DECR1: variants seen among roughly 807,000 people sequenced by gnomAD.
DECR1 encodes the protein 2,4-dienoyl-CoA reductase 1.
A neutral mutation model predicts 38.8 loss-of-function variants in DECR1; 44 were observed. The ratio of observed to expected loss-of-function variants is 1.13; its 90% CI spans 0.89 to 1.46. DECR1 has a LOEUF of 1.46. DECR1 is among the 40% of genes most tolerant of loss of function. DECR1 has a pLI of 0.00. For missense variants in DECR1, 428 were observed against 405.5 expected (o/e 1.06, Z -0.48); for synonymous variants, 148 against 135.2 (o/e 1.09, Z -0.66).
chr8:90,038,852 A>C (rs776466972), intron 6 of DECR1, among the ~76,000 whole-genome samples: 1 of 152,216 alleles, frequency 6.6e-6, no homozygotes, highest in Non-Finnish European at 1.5e-5. Flanking sequence ...GCTGAATCTT[A>C]GTCTGAAAAG....
Position 90,020,957 on chromosome 8 carries a change from CTT to C in DECR1, c.468_469del (p.Pro158Ter). 1 of 1,592,068 alleles carries C rather than the reference CTT, an allele frequency of 6.3e-7. No individual in the cohort carries two copies. The highest frequency in any genetic ancestry group is 8.5e-7 in the Non-Finnish European group (1 of 1,171,456). On this transcript the variant is annotated frameshift_variant, in exon 5 of 10. Coordinates refer to ENST00000220764, the MANE Select transcript of DECR1 (RefSeq NM_001359.2). LOFTEE classifies it high-confidence loss of function. ...AGNFISPTER[L>X]SPNAWKTITD... The stretch of plus-strand genomic sequence containing the variant: ...GAATTTTATTTCTCCTACTGAAAGA[CTT>C]TCTCCTAATGCTTGGAAAACCATAA...
At chr8:90,050,180 A>G (rs1445267722) in intron 8 of DECR1, among the ~76,000 whole-genome samples, 1 of 152,202 alleles carries the variant, frequency 6.6e-6, no homozygotes, top group Admixed American at 6.5e-5. Context: ...GACAAATGAG[A>G]TCTAATTAAA....
At chr8:90,019,225 C>A in intron 4 of DECR1, 53 bp downstream of exon 4, 1 of 1,357,314 alleles carries the variant, frequency 7.4e-7, no homozygotes, top group African/African-American at 1.4e-5. Context: ...GTTGATAACA[C>A]CCACCAACAT....
chr8:90,037,517 G>A (rs1813644534), intron 6 of DECR1, among the ~76,000 whole-genome samples: 1 of 150,806 alleles, frequency 6.6e-6, no homozygotes, highest in African/African-American at 2.4e-5. Flanking sequence ...TGCAATCACA[G>A]CTTATTGCAG....
At chr8:90,027,674 T>C (rs1280148410) in intron 5 of DECR1, among the ~76,000 whole-genome samples, 2 of 152,118 alleles carry the variant, frequency 1.3e-5, no homozygotes, top group African/African-American at 2.4e-5. Flanking sequence ...CTTTATCCAA[T>C]TTGCCAGTCT....
At chr8:90,034,609 A>G (rs950907511) in intron 5 of DECR1, among the ~76,000 whole-genome samples, 2 of 151,630 alleles carry the variant, frequency 1.3e-5, no homozygotes, top group Admixed American at 1.3e-4. Context: ...GCCCTACCAC[A>G]CCTGGCTAAT....
intron 8 of DECR1, among the ~76,000 whole-genome samples, chr8:90,049,727 C>T (rs1459917883): frequency 6.6e-6 from 1 of 152,150 alleles, no homozygotes; most frequent in Non-Finnish European, 1.5e-5. Flanking sequence ...CAAGACAATC[C>T]TAAGCCAAAA....
chr8:90,027,827 C>T (rs925162049), intron 5 of DECR1, among the ~76,000 whole-genome samples: 2 of 151,752 alleles, frequency 1.3e-5, no homozygotes, highest in African/African-American at 4.8e-5. Flanking sequence ...CTTCTTTCTA[C>T]ATTTATTGAG....
intron 5 of DECR1, among the ~76,000 whole-genome samples, chr8:90,034,133 G>A (rs939191680): frequency 7.2e-5 from 11 of 151,940 alleles, no homozygotes; most frequent in Admixed American, 7.2e-4. Flanking sequence ...TTCCACCCCC[G>A]TGTTTCCCAG....
chr8:90,023,212 T>C (rs2130071164), intron 5 of DECR1, among the ~76,000 whole-genome samples: 1 of 152,348 alleles, frequency 6.6e-6, no homozygotes, highest in African/African-American at 2.4e-5. Context: ...GCATTGTACA[T>C]GTTTTGTTAA....
chr8:90,006,193 A>G (rs1812735626), intron 1 of DECR1: 3 of 703,910 alleles, frequency 4.3e-6, no homozygotes, highest in Non-Finnish European at 7.8e-6. Context: ...GGGGACAGAA[A>G]GAAGCCTGGA....
chr8:90,048,421 A>C (rs934615744), intron 8 of DECR1, among the ~76,000 whole-genome samples: 4 of 152,230 alleles, frequency 2.6e-5, no homozygotes, highest in African/African-American at 9.6e-5. Flanking sequence ...TATGCAGATA[A>C]ACTAGAAAAT....
intron 1 of DECR1, among the ~76,000 whole-genome samples, chr8:90,013,529 G>A (rs956412202): frequency 6.6e-6 from 1 of 151,408 alleles, no homozygotes; most frequent in African/African-American, 2.4e-5. Flanking sequence ...AGTGAAAAGG[G>A]CTCACTTTTC....
chr8:90,012,443 G>A (rs758170671), intron 1 of DECR1, among the ~76,000 whole-genome samples: 5 of 152,038 alleles, frequency 3.3e-5, no homozygotes, highest in East Asian at 1.9e-4. Context: ...GTTAGCTACC[G>A]TGCCCGGCCT....
At chr8:90,041,382 A>G (rs1227136508) in intron 6 of DECR1, among the ~76,000 whole-genome samples, 1 of 152,014 alleles carries the variant, frequency 6.6e-6, no homozygotes, top group African/African-American at 2.4e-5. Flanking sequence ...GATATTAGCC[A>G]TTTATCAGAT....
At chr8:90,043,347 A>T (rs1469761824) in intron 7 of DECR1, among the ~76,000 whole-genome samples, 2 of 152,178 alleles carry the variant, frequency 1.3e-5, no homozygotes, top group African/African-American at 4.8e-5. Flanking sequence ...TTCTGACAGC[A>T]TAGATTTCAC....
chr8:90,006,819 C>T (rs1805807), intron 1 of DECR1, among the ~76,000 whole-genome samples: 77,029 of 151,792 alleles, frequency 0.51, 21,839 homozygotes, highest in African/African-American at 0.77. Flanking sequence ...ATTAGAGCTA[C>T]TGGGGACTAA....
At chr8:90,018,782 T>C (rs72671850) in intron 2 of DECR1, 127 bp from the exon 3 acceptor site, 14,032 of 748,948 alleles carry the variant, frequency 0.019, 193 homozygotes, top group Non-Finnish European at 0.025. Flanking sequence ...TTCACATTGA[T>C]TTTTGTATAT....
chr8:90,012,178 A>T (rs1226908071), intron 1 of DECR1, among the ~76,000 whole-genome samples: 6 of 139,714 alleles, frequency 4.3e-5, no homozygotes, highest in South Asian at 2.2e-4. Flanking sequence ...TTTAAGAGGG[A>T]GTCTTGTTCC....
Sources: allele counts gnomAD v4.1 joint callset (sites outside exome capture counted in the v4.1 genomes callset), GRCh38; gene constraint gnomAD v4.1.1; transcripts MANE v1.5; gene names NCBI Gene and HGNC (gene_info 2026-07-23, HGNC 2026-07-21).